Variants in LRRTM4 observed in about 807,000 individuals in gnomAD.
The protein encoded by LRRTM4 is leucine-rich repeat transmembrane neuronal protein 4.
LRRTM4 carries 25 observed loss-of-function variants against 47.6 expected under a neutral mutation model. The observed-to-expected ratio is 0.53, with a 90% confidence interval of 0.38 to 0.73. The LOEUF is 0.73. Among genes scored for constraint, LRRTM4 ranks in the 30% least tolerant of loss-of-function variants. The pLI is 0.00. For missense variants in LRRTM4, 638 were observed against 713.4 expected, an observed-to-expected ratio of 0.89 and a Z score of 1.20; for synonymous variants, 311 against 269.5, an observed-to-expected ratio of 1.15 and a Z score of -1.51.
chr2:76,752,891 C>T lies in LRRTM4; in HGVS notation c.1552-3975G>A, dbSNP rs533949370. Among the ~76,000 whole-genome samples the T allele has an allele frequency of 9.9e-5, 15 of 152,272 alleles. No homozygotes were observed. In the South Asian group the frequency reaches 1.5e-3, roughly 15 times the overall value. ...GTTCCATCAGCTCTCTGATGAGCTCCACTCTATAGCACAGCAGAACAACAC... is the reference window on the plus strand; with the variant it reads ...GTTCCATCAGCTCTCTGATGAGCTCTACTCTATAGCACAGCAGAACAACAC... On this transcript the variant is annotated intron_variant, in intron 3 of 3. Coordinates refer to ENST00000409884, the MANE Select transcript of LRRTM4 (RefSeq NM_001134745.3).
chr2:77,072,800 C>CAAAAAAAAAAAAAAAAAAAAAAAA (rs373786120), intron 3 of LRRTM4, among the ~76,000 whole-genome samples: 1 of 78,742 alleles, frequency 1.3e-5, no homozygotes, highest in Non-Finnish European at 2.3e-5. Context: ...CTCCGTCTTC[C>CAAAAAAAAAAAAAAAAAAAAAAAA]AAAAAAAAAA....
intron 3 of LRRTM4, among the ~76,000 whole-genome samples, chr2:77,055,637 C>A (rs1679578319): frequency 6.6e-6 from 1 of 152,122 alleles, no homozygotes; most frequent in Admixed American, 6.5e-5. Flanking sequence ...TGTGGCGATT[C>A]CTCAGGGATC....
chr2:76,855,161 C>T (rs917273252), intron 3 of LRRTM4, among the ~76,000 whole-genome samples: 2 of 152,056 alleles, frequency 1.3e-5, no homozygotes, highest in Non-Finnish European at 2.9e-5. Context: ...CTTGCGGAGA[C>T]ATCAGGAGCA....
At chr2:77,240,296 G>C (rs1675221357) in intron 3 of LRRTM4, among the ~76,000 whole-genome samples, 1 of 151,848 alleles carries the variant, frequency 6.6e-6, no homozygotes, top group African/African-American at 2.4e-5. Flanking sequence ...GAGTAAAGAA[G>C]AAAAACCATA....
chr2:77,050,074 G>A (rs1679377582), intron 3 of LRRTM4, among the ~76,000 whole-genome samples: 1 of 149,422 alleles, frequency 6.7e-6, no homozygotes, highest in African/African-American at 2.5e-5. Flanking sequence ...GCAGAGGTCA[G>A]AAAGAGTACC....
intron 3 of LRRTM4, among the ~76,000 whole-genome samples, chr2:77,016,999 G>A (rs1678094812): frequency 1.3e-5 from 2 of 151,874 alleles, no homozygotes; most frequent in South Asian, 4.2e-4. Context: ...AATACTCCAT[G>A]CTTCCCTTTC....
chr2:77,374,504 C>A (rs1271353368), intron 3 of LRRTM4, among the ~76,000 whole-genome samples: 1 of 151,770 alleles, frequency 6.6e-6, no homozygotes, highest in African/African-American at 2.4e-5. Context: ...TGAGTGATAT[C>A]AATATATTTG....
At chr2:77,404,012 T>C (rs1674069940) in intron 3 of LRRTM4, among the ~76,000 whole-genome samples, 1 of 151,982 alleles carries the variant, frequency 6.6e-6, no homozygotes, top group South Asian at 2.1e-4. Context: ...AAAATGTACT[T>C]TATTATTCTA....
At chr2:77,059,694 T>C (rs1002396060) in intron 3 of LRRTM4, among the ~76,000 whole-genome samples, 5 of 152,162 alleles carry the variant, frequency 3.3e-5, no homozygotes, top group African/African-American at 1.2e-4. Flanking sequence ...GACAGTACAA[T>C]AGGAAAGCTG....
At chr2:77,020,272 T>A (rs528157580) in intron 3 of LRRTM4, among the ~76,000 whole-genome samples, 11 of 152,230 alleles carry the variant, frequency 7.2e-5, no homozygotes, top group African/African-American at 2.4e-4. Context: ...AGCCAAAGAT[T>A]CTCAAAGTAA....
At chr2:77,337,058 C>T (rs957763776) in intron 3 of LRRTM4, among the ~76,000 whole-genome samples, 2 of 152,092 alleles carry the variant, frequency 1.3e-5, no homozygotes, top group African/African-American at 4.8e-5. Context: ...AAATTAGTAG[C>T]ATTTCCATAC....
At chr2:77,447,821 C>T (rs189382308) in intron 3 of LRRTM4, among the ~76,000 whole-genome samples, 42 of 152,122 alleles carry the variant, frequency 2.8e-4, no homozygotes, top group Admixed American at 2.5e-3. Flanking sequence ...TAGCAGACCC[C>T]GACTGTAGTT....
chr2:76,830,480 G>A (rs75284151), intron 3 of LRRTM4, among the ~76,000 whole-genome samples: 11,774 of 150,816 alleles, frequency 0.078, 803 homozygotes, highest in East Asian at 0.21. Flanking sequence ...CCTTTTTGCT[G>A]TGTAAAATAA....
chr2:77,067,466 G>A (rs1462813001), intron 3 of LRRTM4, among the ~76,000 whole-genome samples: 2 of 152,090 alleles, frequency 1.3e-5, no homozygotes, highest in East Asian at 1.9e-4. Context: ...AGGCAGTGTG[G>A]GTGGGGGGCT....
intron 3 of LRRTM4, among the ~76,000 whole-genome samples, chr2:77,434,882 G>A (rs1008552161): frequency 8.5e-5 from 13 of 152,192 alleles, no homozygotes; most frequent in Middle Eastern, 3.4e-3. Flanking sequence ...GATGGATAGT[G>A]ATGTTGGTGA....
intron 3 of LRRTM4, among the ~76,000 whole-genome samples, chr2:76,803,616 A>G (rs1396314623): frequency 6.6e-6 from 1 of 152,178 alleles, no homozygotes; most frequent in Non-Finnish European, 1.5e-5. Flanking sequence ...AAGGAAATAA[A>G]ATCAGTGAAA....
chr2:76,908,410 G>T (rs1673928060), intron 3 of LRRTM4, among the ~76,000 whole-genome samples: 2 of 151,616 alleles, frequency 1.3e-5, no homozygotes, highest in Non-Finnish European at 2.9e-5. Flanking sequence ...AAAACTGGAA[G>T]CATTCCCTTT....
At position 77,059,563 on chromosome 2, in the gene LRRTM4, C is replaced by T. The variant is rs190600891; in HGVS notation, c.1552-310647G>A. On this transcript the variant is annotated intron_variant, in intron 3 of 3. Transcript: ENST00000409884. ...GCATAATTTGTTTAGAATCAAGTCA[C>T]TGGCAAGAGACTCAATAATTTTGTT... 4.6e-3 allele frequency among the ~76,000 whole-genome samples: 702 copies of T among 152,282 alleles called. 4 individuals are homozygous for T. Among genetic ancestry groups the T allele is most frequent in the African/African-American group, 0.016 (668 of 41,562 alleles).
At chr2:76,776,043 T>C (rs79343022) in intron 3 of LRRTM4, among the ~76,000 whole-genome samples, 99 of 152,292 alleles carry the variant, frequency 6.5e-4, no homozygotes, top group Non-Finnish European at 1.2e-3. Context: ...TTACTGAGAA[T>C]GATGATTTCC....
Sources: allele counts gnomAD v4.1 joint callset (sites outside exome capture counted in the v4.1 genomes callset), GRCh38; gene constraint gnomAD v4.1.1; transcripts MANE v1.5; gene names NCBI Gene and HGNC (gene_info 2026-07-23, HGNC 2026-07-21).